SRBD1: variants seen among roughly 807,000 people sequenced by gnomAD.
The protein encoded by SRBD1 is S1 RNA-binding domain-containing protein 1.
SRBD1 carries 88 observed loss-of-function variants against 115.3 expected under a neutral mutation model. The observed-to-expected ratio is 0.76, with a 90% CI of 0.64 to 0.91. SRBD1 has a LOEUF of 0.91. SRBD1 is among the 40% of genes least tolerant of loss of function. SRBD1 has a pLI of 0.00. For missense variants in SRBD1, 1,385 were observed against 1,177.4 expected, an observed-to-expected ratio of 1.18 and a Z score of -2.58; for synonymous variants, 509 against 407.7, an observed-to-expected ratio of 1.25 and a Z score of -2.99.
At chr2:45,582,926 G>T (rs941902395) in intron 5 of SRBD1, among the ~76,000 whole-genome samples, 2 of 152,094 alleles carry the variant, frequency 1.3e-5, no homozygotes, top group Non-Finnish European at 2.9e-5. Context: ...AAAGAACCAG[G>T]ATTCCATGTA....
intron 10 of SRBD1, among the ~76,000 whole-genome samples, chr2:45,556,448 CTTTTTTTTTTT>C (rs59284495): frequency 6.3e-5 from 5 of 78,834 alleles, no homozygotes; most frequent in Admixed American, 1.8e-4. Flanking sequence ...TGCTCTATTA[CTTTTTTTTTTT>C]TTTTTTTTTT....
intron 19 of SRBD1, among the ~76,000 whole-genome samples, chr2:45,399,958 A>G (rs1452849253): frequency 1.3e-5 from 2 of 152,214 alleles, no homozygotes; most frequent in Non-Finnish European, 2.9e-5. Flanking sequence ...ATGGTGGAAA[A>G]GCTGAAATTA....
intron 16 of SRBD1, among the ~76,000 whole-genome samples, chr2:45,424,442 T>C (rs1042794168): frequency 1.3e-5 from 2 of 152,166 alleles, no homozygotes; most frequent in African/African-American, 4.8e-5. Context: ...CTCAACCATG[T>C]ACTATATATG....
intron 15 of SRBD1, among the ~76,000 whole-genome samples, chr2:45,482,884 G>A (rs185331298): frequency 2.5e-3 from 373 of 151,944 alleles, no homozygotes; most frequent in Non-Finnish European, 4.2e-3. Context: ...ATCACCTATA[G>A]GTTACATTTA....
At chr2:45,407,585 T>C (rs950873079) in intron 19 of SRBD1, among the ~76,000 whole-genome samples, 11 of 152,178 alleles carry the variant, frequency 7.2e-5, no homozygotes, top group Admixed American at 3.9e-4. Flanking sequence ...CAGTGTTCTG[T>C]ACATTCTAAG....
At chr2:45,408,945 G>A (rs983348178) in intron 19 of SRBD1, among the ~76,000 whole-genome samples, 5 of 152,258 alleles carry the variant, frequency 3.3e-5, no homozygotes, top group East Asian at 1.9e-4. Context: ...GATACTGGCC[G>A]GGTGCAGTGG....
At chr2:45,525,164 T>C (rs1671403774) in intron 14 of SRBD1, among the ~76,000 whole-genome samples, 1 of 151,992 alleles carries the variant, frequency 6.6e-6, no homozygotes, top group Non-Finnish European at 1.5e-5. Context: ...ACTAAATGGA[T>C]GTAGGCACTA....
At chr2:45,515,391 C>G (rs1458871434) in intron 14 of SRBD1, among the ~76,000 whole-genome samples, 2 of 152,152 alleles carry the variant, frequency 1.3e-5, no homozygotes, top group Non-Finnish European at 2.9e-5. Context: ...CAGTCTTACT[C>G]AAGAACCCAT....
Position 45,497,038 on chromosome 2 carries a change from T to A in SRBD1, c.1875-8707A>T, listed in dbSNP as rs1175426801. On this transcript the variant is annotated intron_variant, in intron 14 of 20. Transcript: ENST00000263736. ...CTCAGTTCAGCCGGCTGCTTCTTAA[T>A]CTAGAGTCAGATCTTTACTTTTTTG... Among the ~76,000 whole-genome samples, 3 of 152,202 alleles carry A rather than the reference T, an allele frequency of 2.0e-5. No individual in the cohort carries two copies. In the East Asian group the frequency reaches 5.8e-4, roughly 29 times the overall value.
intron 10 of SRBD1, among the ~76,000 whole-genome samples, chr2:45,560,411 C>T (rs1266897439): frequency 1.3e-5 from 2 of 152,158 alleles, no homozygotes; most frequent in Non-Finnish European, 2.9e-5. Flanking sequence ...TAAAACATTT[C>T]TAAAAAGAAT....
chr2:45,549,806 T>C (rs1572763404), intron 12 of SRBD1, among the ~76,000 whole-genome samples: 1 of 150,838 alleles, frequency 6.6e-6, no homozygotes, highest in Non-Finnish European at 1.5e-5. Flanking sequence ...GAGGCTGCAG[T>C]GAGCTGAGAT....
chr2:45,554,052 C>A (rs558153906), intron 10 of SRBD1, among the ~76,000 whole-genome samples: 22 of 152,134 alleles, frequency 1.4e-4, no homozygotes, highest in Non-Finnish European at 2.4e-4. Context: ...AATTATTACA[C>A]CACTGCTACA....
intron 16 of SRBD1, among the ~76,000 whole-genome samples, chr2:45,436,854 C>T (rs1326687814): frequency 6.6e-6 from 1 of 152,144 alleles, no homozygotes; most frequent in Non-Finnish European, 1.5e-5. Context: ...ATAATATGAT[C>T]GTCTATGTAG....
chr2:45,470,353 T>A (rs958402077), intron 16 of SRBD1, among the ~76,000 whole-genome samples: 13 of 152,218 alleles, frequency 8.5e-5, no homozygotes, highest in African/African-American at 3.1e-4. Context: ...CCTTTTACAG[T>A]AATTATTCAT....
At chr2:45,537,827 A>C (rs2104000890) in intron 14 of SRBD1, among the ~76,000 whole-genome samples, 1 of 152,376 alleles carries the variant, frequency 6.6e-6, no homozygotes, top group East Asian at 1.9e-4. Context: ...AACATGCCTT[A>C]GAAAAATGAA....
At chr2:45,545,584 G>A (rs1447823484) in intron 14 of SRBD1, among the ~76,000 whole-genome samples, 3 of 152,180 alleles carry the variant, frequency 2.0e-5, no homozygotes, top group East Asian at 1.9e-4. Context: ...ATCAGTGCTT[G>A]TGTTAGTTTC....
At chr2:45,526,416 A>G (rs1251100366) in intron 14 of SRBD1, among the ~76,000 whole-genome samples, 1 of 152,008 alleles carries the variant, frequency 6.6e-6, no homozygotes, top group East Asian at 1.9e-4. Flanking sequence ...CTATAGAGAC[A>G]AAGTAGATTA....
intron 15 of SRBD1, among the ~76,000 whole-genome samples, chr2:45,481,468 A>T (rs1409088759): frequency 6.6e-6 from 1 of 152,112 alleles, no homozygotes; most frequent in African/African-American, 2.4e-5. Context: ...AAACTTAGGG[A>T]ACGTGTACAT....
At chr2:45,547,482 T>A (rs1271872904) in intron 13 of SRBD1, 40 bp downstream of exon 13, 1 of 1,566,758 alleles carries the variant, frequency 6.4e-7, no homozygotes, top group Non-Finnish European at 8.8e-7. Context: ...TCTGGTTGAC[T>A]GAGCCACTGA....
Sources: allele counts gnomAD v4.1 joint callset (sites outside exome capture counted in the v4.1 genomes callset), GRCh38; gene constraint gnomAD v4.1.1; transcripts MANE v1.5; gene names NCBI Gene and HGNC (gene_info 2026-07-23, HGNC 2026-07-21).